FTO: variants seen among roughly 807,000 people sequenced by gnomAD.
The protein encoded by FTO is FTO alpha-ketoglutarate dependent dioxygenase, also known as alpha-ketoglutarate-dependent dioxygenase FTO.
Under a neutral mutation model 63.9 loss-of-function variants are expected in FTO, and 47 were observed. That is an observed-to-expected ratio of 0.74 (90% CI 0.58 to 0.94). FTO has a LOEUF of 0.94. Among genes scored for constraint, FTO ranks in the 40% least tolerant of loss-of-function variants. FTO has a pLI of 0.00. For missense variants in FTO, 562 were observed against 618.1 expected (o/e 0.91, Z 0.96); for synonymous variants, 207 against 224.4 (o/e 0.92, Z 0.69).
At chr16:54,050,527 G>C (rs1395750417) in intron 8 of FTO, among the ~76,000 whole-genome samples, 1 of 152,106 alleles carries the variant, frequency 6.6e-6, no homozygotes, top group Non-Finnish European at 1.5e-5. Context: ...AGCTGCTTTG[G>C]GTGAAAGATT....
chr16:54,053,484 C>T (rs1249882781), intron 8 of FTO, among the ~76,000 whole-genome samples: 6 of 152,160 alleles, frequency 3.9e-5, no homozygotes, highest in Non-Finnish European at 4.4e-5. Context: ...CTGCTCTAAA[C>T]CACCTTTGGT....
intron 1 of FTO, among the ~76,000 whole-genome samples, chr16:53,752,241 G>C (rs1198814317): frequency 6.6e-6 from 1 of 152,158 alleles, no homozygotes; most frequent in Non-Finnish European, 1.5e-5. Context: ...CATATAGACA[G>C]AATATGTTGT....
At chr16:53,765,773 GAAGGAA>G (rs2077185723) in intron 1 of FTO, among the ~76,000 whole-genome samples, 1 of 152,014 alleles carries the variant, frequency 6.6e-6, no homozygotes, top group Admixed American at 6.6e-5. Context: ...TTAGCATGTA[GAAGGAA>G]CAGAGGTGGT....
At chr16:53,718,329 C>T (rs1391566502) in intron 1 of FTO, among the ~76,000 whole-genome samples, 2 of 151,938 alleles carry the variant, frequency 1.3e-5, no homozygotes, top group Non-Finnish European at 2.9e-5. Flanking sequence ...TTAAATGATA[C>T]TTAAGAAAGT....
intron 6 of FTO, among the ~76,000 whole-genome samples, chr16:53,881,157 A>AAATAAATAAATAAATAAAAATG (rs2080822529): frequency 1.3e-5 from 2 of 150,912 alleles, no homozygotes; most frequent in African/African-American, 4.9e-5. Flanking sequence ...AAATAAAAAT[A>AAATAAATAAATAAATAAAAATG]AAATAAAAAA....
intron 1 of FTO, among the ~76,000 whole-genome samples, chr16:53,790,541 A>AC (rs2077883860): frequency 7.7e-6 from 1 of 130,128 alleles, no homozygotes; most frequent in Non-Finnish European, 1.6e-5. Flanking sequence ...ACAGAGTAAG[A>AC]CCCCCATCTC....
At chr16:53,936,111 C>G (rs1337240316) in intron 8 of FTO, among the ~76,000 whole-genome samples, 1 of 152,230 alleles carries the variant, frequency 6.6e-6, no homozygotes, top group African/African-American at 2.4e-5. Flanking sequence ...AAGGAATCTG[C>G]TTTCAGCATT....
At chr16:53,859,719 A>G (rs2080115788) in intron 4 of FTO, among the ~76,000 whole-genome samples, 1 of 152,140 alleles carries the variant, frequency 6.6e-6, no homozygotes, top group Non-Finnish European at 1.5e-5. Context: ...TGAAATCTAA[A>G]TCAAAACCAC....
chr16:53,732,968 A>G (rs1043174446), intron 1 of FTO, among the ~76,000 whole-genome samples: 8 of 152,246 alleles, frequency 5.3e-5, no homozygotes, highest in Non-Finnish European at 8.8e-5. Context: ...AGGGCCTTAA[A>G]TCCCAGCCCT....
chr16:53,812,176 T>G (rs1349847109), intron 2 of FTO, among the ~76,000 whole-genome samples: 2 of 152,174 alleles, frequency 1.3e-5, no homozygotes, highest in African/African-American at 2.4e-5. Flanking sequence ...TGTCATCTCC[T>G]GTAGGAAGCT....
intron 4 of FTO, among the ~76,000 whole-genome samples, chr16:53,867,824 G>A (rs2080371667): frequency 6.6e-6 from 1 of 152,078 alleles, no homozygotes; most frequent in African/African-American, 2.4e-5. Flanking sequence ...TAGTGGATTT[G>A]TCTGTTTTTC....
chr16:54,002,072 A>G (rs2084081312), intron 8 of FTO, among the ~76,000 whole-genome samples: 1 of 152,220 alleles, frequency 6.6e-6, no homozygotes, highest in Admixed American at 6.5e-5. Context: ...AAGATTTGGG[A>G]GAAGACATTG....
chr16:54,014,298 A>G (rs1410287177), intron 8 of FTO, among the ~76,000 whole-genome samples: 2 of 152,180 alleles, frequency 1.3e-5, no homozygotes, highest in Admixed American at 1.3e-4. Flanking sequence ...CAGATCCCTC[A>G]TGGACAACTT....
chr16:53,902,432 T>G (rs1399067427), intron 7 of FTO, among the ~76,000 whole-genome samples: 2 of 152,182 alleles, frequency 1.3e-5, no homozygotes, highest in Non-Finnish European at 2.9e-5. Flanking sequence ...TACTACTCCC[T>G]AAATATCCAT....
intron 6 of FTO, among the ~76,000 whole-genome samples, chr16:53,883,492 G>A (rs2151897049): frequency 1.3e-5 from 2 of 151,996 alleles, no homozygotes; most frequent in African/African-American, 4.8e-5. Context: ...TGTGGTGGCG[G>A]GCGCCTGTAA....
intron 4 of FTO, among the ~76,000 whole-genome samples, chr16:53,863,178 CTG>C (rs1461967405): frequency 6.6e-6 from 1 of 152,184 alleles, no homozygotes; most frequent in Non-Finnish European, 1.5e-5. Flanking sequence ...TCTTGAAAAA[CTG>C]AGAATTTTCT....
At chr16:54,058,324 T>C (rs1466320498) in intron 8 of FTO, among the ~76,000 whole-genome samples, 1 of 152,060 alleles carries the variant, frequency 6.6e-6, no homozygotes, top group Non-Finnish European at 1.5e-5. Context: ...GGTTTTGCCA[T>C]GTTGGCCAGG....
intron 5 of FTO, among the ~76,000 whole-genome samples, chr16:53,876,182 C>A (rs2080645491): frequency 6.6e-6 from 1 of 152,152 alleles, no homozygotes; most frequent in Admixed American, 6.5e-5. Context: ...GCCCCTCATT[C>A]CCAGAGGCAA....
At chr16:53,755,782 T>C (rs1012892161) in intron 1 of FTO, among the ~76,000 whole-genome samples, 2 of 152,160 alleles carry the variant, frequency 1.3e-5, no homozygotes, top group African/African-American at 4.8e-5. Context: ...GTGTATGCCC[T>C]TTGCCCTTTG....
Sources: gnomAD v4.1 joint callset for allele counts (sites outside exome capture counted in the v4.1 genomes callset) on GRCh38, gnomAD v4.1.1 for gene constraint, MANE v1.5 for transcripts, NCBI Gene and HGNC (gene_info 2026-07-23, HGNC 2026-07-21) for gene names.